SLIT3: variants seen among roughly 807,000 people sequenced by gnomAD.
SLIT3 encodes the protein slit guidance ligand 3, also known as slit homolog 3 protein.
SLIT3 carries 68 observed loss-of-function variants against 184.0 expected under a neutral mutation model. That is an observed-to-expected ratio of 0.37 (90% CI 0.30 to 0.45). SLIT3 has a LOEUF of 0.45. Among genes scored for constraint, SLIT3 ranks in the 20% least tolerant of loss-of-function variants. The pLI is 1.00. For synonymous variants in SLIT3, 831 were observed against 828.6 expected (o/e 1.00, Z -0.05); for missense variants, 1,707 against 2,026.0 (o/e 0.84, Z 3.02).
At chr5:169,108,885 A>G (rs976528313) in intron 4 of SLIT3, among the ~76,000 whole-genome samples, 6 of 152,338 alleles carry the variant, frequency 3.9e-5, no homozygotes, top group Non-Finnish European at 4.4e-5. Flanking sequence ...TGGCTGAGTG[A>G]AGAAAAGACT....
At position 169,020,274 on chromosome 5, in the gene SLIT3, A is replaced by G. The variant is rs570696174; in HGVS notation, c.414-136938T>C. Among the ~76,000 whole-genome samples, 7 of 152,290 alleles carry G rather than the reference A, an allele frequency of 4.6e-5. No individual in the cohort carries two copies. In the South Asian group the frequency reaches 1.5e-3, roughly 32 times the overall value. On this transcript the variant is annotated intron_variant, in intron 4 of 35. Transcript: ENST00000519560. Reference sequence around the variant, plus strand: ...TTCCTGGCTACATAACTAGGACTACATCTCCCAGTCTCCTTTGCAGTTGGT... The same window carrying G: ...TTCCTGGCTACATAACTAGGACTACGTCTCCCAGTCTCCTTTGCAGTTGGT...
chr5:169,082,984 G>T (rs960902225), intron 4 of SLIT3, among the ~76,000 whole-genome samples: 1 of 152,164 alleles, frequency 6.6e-6, no homozygotes, highest in South Asian at 2.1e-4. Context: ...AGCAAATAAA[G>T]TGATCACAGA....
intron 4 of SLIT3, 121 bp from the exon 5 acceptor site, chr5:168,883,457 G>C: frequency 1.4e-6 from 1 of 717,170 alleles, no homozygotes. Flanking sequence ...AGTGTATGGC[G>C]GCTGTTTGGT....
At chr5:169,115,752 T>G (rs1395382290) in intron 4 of SLIT3, among the ~76,000 whole-genome samples, 1 of 152,210 alleles carries the variant, frequency 6.6e-6, no homozygotes, top group Non-Finnish European at 1.5e-5. Context: ...GAGTCATCAC[T>G]CCTCACATTG....
At chr5:169,179,455 C>CAGAAT (rs1189069541) in intron 4 of SLIT3, among the ~76,000 whole-genome samples, 2 of 152,066 alleles carry the variant, frequency 1.3e-5, no homozygotes, top group Middle Eastern at 3.2e-3. Context: ...CTTATCTTTC[C>CAGAAT]ATTTCACTGT....
intron 25 of SLIT3, 183 bp from the exon 26 acceptor site, chr5:168,708,283 C>A: frequency 1.4e-6 from 1 of 700,104 alleles, no homozygotes; most frequent in Non-Finnish European, 2.4e-6. Flanking sequence ...TTAATTCAGC[C>A]ACTGTCCAGT....
Position 168,666,683 on chromosome 5 carries a change from G to T in SLIT3, c.4343C>A (p.Pro1448Gln). 1 of 1,614,072 alleles carries T rather than the reference G, an allele frequency of 6.2e-7. No individual in the cohort carries two copies. The highest frequency in any genetic ancestry group is 8.5e-7 in the Non-Finnish European group (1 of 1,180,022). ...FSGEHCQQEN[P>Q]CLGQVVREVI... ...CTCTCGGACTACTTGTCCCAGGCAC[G>T]GATTCTCTGCAGAGGGCATAGAAGT... The change falls in exon 36 of 36, where the codon CCG (proline) becomes CAG (glutamine). Residue 1448 changes from proline to glutamine, a missense_variant. This residue lies in a region of SLIT3 where 387 missense variants were observed against 477.9 expected (regional missense o/e 0.81). Coordinates refer to ENST00000519560, the MANE Select transcript of SLIT3 (RefSeq NM_003062.4).
In SLIT3 at chr5:169,006,632, A is replaced by ACACACAC. The variant is rs752430679; in HGVS notation, c.414-123297_414-123296insGTGTGTG. 4.4e-3 allele frequency among the ~76,000 whole-genome samples: 587 copies of ACACACAC among 132,914 alleles called. 4 individuals are homozygous for ACACACAC. Among genetic ancestry groups the ACACACAC allele is most frequent in the Non-Finnish European group, 5.4e-3 (335 of 62,226 alleles). 87.2% of individuals were successfully genotyped at this position (132,914 alleles called of 152,430 possible). A position where few individuals can be genotyped will look rare whatever the true frequency, so the allele number is the denominator to read the frequency against. ...ACACACACACACACACACACACACA[A>ACACACAC]CTCTCCAAGCACAAAGAGCTGACAA... On this transcript the variant is annotated intron_variant, in intron 4 of 35. Transcript: ENST00000519560.
At chr5:169,276,947 G>A (rs754431) in intron 1 of SLIT3, among the ~76,000 whole-genome samples, 45,707 of 151,982 alleles carry the variant, frequency 0.3, 7,625 homozygotes, top group Non-Finnish European at 0.39. Flanking sequence ...ATTTTTAAGC[G>A]CACAGTTTAG....
intron 4 of SLIT3, among the ~76,000 whole-genome samples, chr5:168,950,961 C>T (rs1170229986): frequency 1.3e-5 from 2 of 152,246 alleles, no homozygotes; most frequent in Non-Finnish European, 2.9e-5. Flanking sequence ...TGGCTCATGC[C>T]TGTAATCCCA....
rs201344625 is a variant in SLIT3 at position 168,817,401 on chromosome 5, C to T, written c.692G>A (p.Arg231Gln). The T allele has an allele frequency of 1.5e-4, 238 of 1,614,184 alleles. No individual in the cohort carries two copies. In the Admixed American group the frequency reaches 2.0e-3, roughly 13 times the overall value. Residue 231 changes from arginine (R) to glutamine (Q), a missense_variant, in exon 8 of 36, where the codon CGA (arginine) becomes CAA (glutamine). This residue lies in a region of SLIT3 where 1,307 missense variants were observed against 1,511.6 expected (regional missense o/e 0.86). Coordinates refer to ENST00000519560, the MANE Select transcript of SLIT3 (RefSeq NM_003062.4). ...GAACTGGCCAACTGTCCGTCGCTGT[C>T]GCAGCCAATCCGAGAGCCAGGCCAG... Reference protein sequence around the residue: ...CHLAWLSDWLRQRRTVGQFTL... With the variant: ...CHLAWLSDWLQQRRTVGQFTL...
At chr5:169,189,493 G>C (rs1281453856) in intron 4 of SLIT3, among the ~76,000 whole-genome samples, 1 of 139,300 alleles carries the variant, frequency 7.2e-6, no homozygotes, top group African/African-American at 2.7e-5. Flanking sequence ...TTGAGGCAAA[G>C]TGCCCAGTAC....
chr5:168,948,658 G>A (rs989770262), intron 4 of SLIT3, among the ~76,000 whole-genome samples: 5 of 152,136 alleles, frequency 3.3e-5, no homozygotes, highest in African/African-American at 1.2e-4. Context: ...GCAGTTGTTT[G>A]TCTCAGCAGC....
At chr5:168,707,952 G>A (rs3733973) in intron 26 of SLIT3, 24 bp downstream of exon 26, 41,015 of 1,612,924 alleles carry the variant, frequency 0.025, 688 homozygotes, top group Middle Eastern at 0.059. Flanking sequence ...GCATGAACAC[G>A]GGGGGGCAGG....
intron 29 of SLIT3, among the ~76,000 whole-genome samples, chr5:168,691,098 T>C (rs1761892872): frequency 6.6e-6 from 1 of 152,174 alleles, no homozygotes. Context: ...TAGAACTTCT[T>C]TCTTTTCTAA....
In SLIT3 at chr5:169,082,292, C is replaced by A. The variant is rs191402519; in HGVS notation, c.413+111187G>T. On this transcript the variant is annotated intron_variant, in intron 4 of 35. Coordinates refer to ENST00000519560, the MANE Select transcript of SLIT3 (RefSeq NM_003062.4). ...GCAACTCACAGACATTGAAGACACA[C>A]GGCTCATATATTATGCTTTGATTGT... is the stretch of plus-strand genomic sequence containing the variant. 2.2e-4 allele frequency among the ~76,000 whole-genome samples: 33 copies of A among 152,304 alleles called. No individual in the cohort carries two copies. In the East Asian group the frequency reaches 6.0e-3, roughly 28 times the overall value.
Position 169,034,302 on chromosome 5 carries a change from T to A in SLIT3, c.414-150966A>T, listed in dbSNP as rs1005257734. ...TGTGTCCTGAGCCTTTGGTGCAATA[T>A]CCAAAAAAAACCTGTCAAGGCCAAT... On this transcript the variant is annotated intron_variant, in intron 4 of 35. Transcript: ENST00000519560. Among the ~76,000 whole-genome samples the A allele has an allele frequency of 3.3e-5, 5 of 152,012 alleles. No individual in the cohort carries two copies. In the South Asian group the frequency reaches 1.0e-3, roughly 32 times the overall value.
At chr5:169,220,460 A>G (rs1764584391) in intron 3 of SLIT3, among the ~76,000 whole-genome samples, 1 of 152,140 alleles carries the variant, frequency 6.6e-6, no homozygotes, top group Non-Finnish European at 1.5e-5. Context: ...AGTTTCTTTA[A>G]TCACACCAAA....
intron 4 of SLIT3, among the ~76,000 whole-genome samples, chr5:169,042,113 T>C (rs1373161742): frequency 6.6e-6 from 1 of 152,168 alleles, no homozygotes. Context: ...AGAATGGATA[T>C]CGTAGAACGG....
Sources: allele counts gnomAD v4.1 joint callset (sites outside exome capture counted in the v4.1 genomes callset), GRCh38; gene constraint gnomAD v4.1.1; regional missense constraint gnomAD v4.1.1; transcripts MANE v1.5; gene names NCBI Gene and HGNC (gene_info 2026-07-23, HGNC 2026-07-21).